The following RBM23 variants were observed in gnomAD, a reference collection of about 807,000 sequenced individuals.
The protein encoded by RBM23 is RNA binding motif protein 23.
A neutral mutation model predicts 56.2 loss-of-function variants in RBM23; 53 were observed. The ratio of observed to expected loss-of-function variants is 0.94; its 90% CI spans 0.76 to 1.19. The LOEUF (loss-of-function observed/expected upper bound fraction) is 1.19. RBM23 is among the 50% of genes most tolerant of loss of function. The pLI is 0.00. For synonymous variants in RBM23, 197 were observed against 198.5 expected (o/e 0.99, Z 0.06); for missense variants, 642 against 590.3 (o/e 1.09, Z -0.91).
At chr14:22,907,160 T>G (rs1337057436) in intron 4 of RBM23, among the ~76,000 whole-genome samples, 2 of 141,950 alleles carry the variant, frequency 1.4e-5, no homozygotes, top group African/African-American at 5.3e-5. Context: ...GGCAACAGAG[T>G]GAGACTCTGT....
rs562680462 is a variant in RBM23 at position 22,901,624 on chromosome 14, C to T, written c.*106G>A. On this transcript the variant is annotated 3_prime_UTR_variant, in exon 14 of 14. Coordinates refer to ENST00000359890, the MANE Select transcript of RBM23 (RefSeq NM_001077351.2). ...ATTTCCTCAGAGACAATGTCCATGC[C>T]CTCAGGATGGCTTGGTCCACAAAAT... The T allele has an allele frequency of 1.4e-4, 207 of 1,494,212 alleles. No individual in the cohort carries two copies. The Middle Eastern group carries it at 1.5e-3, about 11-fold the overall frequency. The allele number at this position is 1,494,212 out of a possible 1,614,324, so 92.6% of individuals were successfully genotyped here.
intron 2 of RBM23, among the ~76,000 whole-genome samples, chr14:22,910,248 G>A (rs1298937468): frequency 6.8e-6 from 1 of 147,760 alleles, no homozygotes; most frequent in Non-Finnish European, 1.5e-5. Context: ...GGTCACCTGA[G>A]GTCAGGAGTT....
rs1158990137 is a variant in RBM23, at chr14:22,905,216, T to A, written c.604A>T (p.Asn202Tyr). The change falls in exon 8 of 14, where the codon AAC becomes TAC. Residue 202 changes from asparagine (N) to tyrosine (Y), a missense_variant. Transcript: ENST00000359890. ...GCAATGCCCTTAGAACGACGTGAGTTCCGATCTGAGATGATACGTACATCG... is the reference window on the plus strand; with the variant it reads ...GCAATGCCCTTAGAACGACGTGAGTACCGATCTGAGATGATACGTACATCG... ...VRDVRIISDRNSRRSKGIAYV... is the reference protein window; with the variant it reads ...VRDVRIISDRYSRRSKGIAYV... 1 of 1,614,066 alleles carries A rather than the reference T, an allele frequency of 6.2e-7. No homozygotes were observed.
chr14:22,915,649 C>T (rs1174190042), intron 1 of RBM23, among the ~76,000 whole-genome samples: 3 of 152,082 alleles, frequency 2.0e-5, no homozygotes, highest in Non-Finnish European at 4.4e-5. Flanking sequence ...GTGCCCGCCA[C>T]TACGTCCCAC....
rs1460094626 is a variant in RBM23, at chr14:22,899,666, G to C, written c.*2064C>G. 1 of 152,196 alleles carries C rather than the reference G, an allele frequency of 6.6e-6. No individual in the cohort carries two copies. The highest frequency in any genetic ancestry group is 1.5e-5 in the Non-Finnish European group (1 of 68,112). 9.4% of individuals were successfully genotyped at this position (152,196 alleles called of 1,614,324 possible). ...GCTGGGATTACAGGCGTGAGCCAGT[G>C]CACCCAGCCTACACCTCTTTTCTTT... On this transcript the variant is annotated 3_prime_UTR_variant, in exon 14 of 14. Coordinates refer to ENST00000359890, the MANE Select transcript of RBM23 (RefSeq NM_001077351.2).
At chr14:22,912,086 A>G (rs953190919) in intron 1 of RBM23, among the ~76,000 whole-genome samples, 1 of 152,206 alleles carries the variant, frequency 6.6e-6, no homozygotes, top group African/African-American at 2.4e-5. Context: ...TTAGGTCTCC[A>G]CTCTACTGTT....
intron 10 of RBM23, chr14:22,903,591 C>T: frequency 1.0e-6 from 1 of 990,442 alleles, no homozygotes; most frequent in Middle Eastern, 5.2e-4. Context: ...ACCTACTGCC[C>T]TCTGCCCTGT....
chr14:22,911,494 A>G, intron 1 of RBM23, 91 bp from the exon 2 acceptor site: 1 of 1,021,242 alleles, frequency 9.8e-7, no homozygotes, highest in Non-Finnish European at 1.5e-6. Flanking sequence ...CAAGAAAGAG[A>G]CTTCAGGATA....
intron 2 of RBM23, among the ~76,000 whole-genome samples, chr14:22,910,812 A>T (rs1329231228): frequency 6.6e-6 from 1 of 152,242 alleles, no homozygotes; most frequent in Non-Finnish European, 1.5e-5. Flanking sequence ...GGAGATCAAG[A>T]CCATCCTGGC....
At chr14:22,907,337 G>A (rs150120246) in intron 4 of RBM23, among the ~76,000 whole-genome samples, 3,825 of 151,572 alleles carry the variant, frequency 0.025, 168 homozygotes, top group African/African-American at 0.087. Flanking sequence ...AGCGAAACTC[G>A]GTCTCAAAAA....
rs2040594710 is a variant in RBM23, at chr14:22,902,020, T to G, written c.1206A>C (p.Gly402=). 1.2e-6 allele frequency: 2 copies of G among 1,612,558 alleles called. No homozygotes were observed. Among genetic ancestry groups the G allele is most frequent in the Non-Finnish European group, 1.7e-6 (2 of 1,179,286 alleles). ...GATTCAGGGCCCCCAAGGGAACTGC[T>G]CCATTCAGTTGCAAGGCAGCAGCCT... ...AAQAAALQLN[G]AVPLGALNPA... The change falls in exon 12 of 14, where the codon GGA becomes GGC. Residue 402 remains glycine, a synonymous_variant. Transcript: ENST00000359890.
chr14:22,895,257 G>T lies in RBM23; in HGVS notation c.*6473C>A, dbSNP rs1363020404. 6.6e-6 allele frequency: 1 copy of T among 151,996 alleles called. No homozygotes were observed. Among genetic ancestry groups the T allele is most frequent in the Non-Finnish European group, 1.5e-5 (1 of 68,060 alleles). 9.4% of individuals were successfully genotyped at this position (151,996 alleles called of 1,614,324 possible). On this transcript the variant is annotated 3_prime_UTR_variant, in exon 14 of 14. Coordinates refer to ENST00000359890, the MANE Select transcript of RBM23 (RefSeq NM_001077351.2). ...GCCTGTAATCCCAGCTACTCAGGAG[G>T]CTGAGGCAGGAGAATCACTTGAACC... is the stretch of plus-strand genomic sequence containing the variant.
Position 22,909,466 on chromosome 14 carries a change from C to G in RBM23, c.179+17G>C, listed in dbSNP as rs577923864. On this transcript the variant is annotated intron_variant, in intron 3 of 13. Transcript: ENST00000359890. The stretch of plus-strand genomic sequence containing the variant: ...CCTTCCCCAAGTTGCCAACCCATTT[C>G]TTCCTCCCACACTCACTTGCTTGTC... The G allele has an allele frequency of 6.2e-7, 1 of 1,606,472 alleles. No homozygotes were observed. Among genetic ancestry groups the G allele is most frequent in the Admixed American group, 1.7e-5 (1 of 59,948 alleles).
rs371938744 is a variant in RBM23 at position 22,894,577 on chromosome 14, G to A, written c.*7153C>T. 1.3e-5 allele frequency: 2 copies of A among 152,146 alleles called. No homozygotes were observed. Among genetic ancestry groups the A allele is most frequent in the East Asian group, 1.9e-4 (1 of 5,188 alleles). The allele number at this position is 152,146 out of a possible 1,614,324, so 9.4% of individuals were successfully genotyped here. ...TAAAAAAAATTACAAAAATTAGCCA[G>A]GCATGGTGGTGGGTGCCTGTAATTC... On this transcript the variant is annotated 3_prime_UTR_variant, in exon 14 of 14. Coordinates refer to ENST00000359890, the MANE Select transcript of RBM23 (RefSeq NM_001077351.2).
In RBM23 at chr14:22,910,151, C is replaced by CAAAAAAA. The variant is rs532892000; in HGVS notation, c.67-563_67-557dup. 4.8e-4 allele frequency among the ~76,000 whole-genome samples: 8 copies of CAAAAAAA among 16,704 alleles called. 2 individuals carry two copies. Among genetic ancestry groups the CAAAAAAA allele is most frequent in the Non-Finnish European group, 7.8e-4 (7 of 8,958 alleles). The allele number at this position is 16,704 out of a possible 152,430, so 11.0% of individuals were successfully genotyped here. On this transcript the variant is annotated intron_variant, in intron 2 of 13. Transcript: ENST00000359890. ...TGGGCAGCCTAGTGAGACTCTGTCT[C>CAAAAAAA]AAAAAAAAAAAAAAAAAAAAAAAAA...
chr14:22,910,450 CAAAAAAAAAAAA>C (rs546748436), intron 2 of RBM23, among the ~76,000 whole-genome samples: 3 of 71,154 alleles, frequency 4.2e-5, no homozygotes, highest in Admixed American at 2.0e-4. Context: ...AACTTCATCT[CAAAAAAAAAAAA>C]AAAAAAAAAA....
rs2040489761 is a variant in RBM23, at chr14:22,901,599, A to C, written c.*131T>G. ...TCTTGGTATCTTAAGGGTGGCCCCA[A>C]TTTCCTCAGAGACAATGTCCATGCC... On this transcript the variant is annotated 3_prime_UTR_variant, in exon 14 of 14. Transcript: ENST00000359890. The C allele has an allele frequency of 2.2e-6, 3 of 1,371,584 alleles. No individual in the cohort carries two copies. Among genetic ancestry groups the C allele is most frequent in the Non-Finnish European group, 3.1e-6 (3 of 979,144 alleles). 85.0% of individuals were successfully genotyped at this position (1,371,584 alleles called of 1,614,324 possible).
chr14:22,912,311 G>A (rs371504935), intron 1 of RBM23, among the ~76,000 whole-genome samples: 4 of 152,162 alleles, frequency 2.6e-5, no homozygotes, highest in African/African-American at 9.7e-5. Context: ...CGCATACCCT[G>A]AACACCAATA....
chr14:22,906,509 G>C, intron 4 of RBM23, 141 bp from the exon 5 acceptor site: 1 of 963,614 alleles, frequency 1.0e-6, no homozygotes, highest in East Asian at 2.6e-5. Context: ...CTGTAATGTC[G>C]TAATGTATTA....
Sources: gnomAD v4.1 joint callset for allele counts (sites outside exome capture counted in the v4.1 genomes callset) on GRCh38, gnomAD v4.1.1 for gene constraint, MANE v1.5 for transcripts, NCBI Gene and HGNC (gene_info 2026-07-23, HGNC 2026-07-21) for gene names.